Variants in PPP3CA observed in about 807,000 individuals in gnomAD.
PPP3CA encodes protein phosphatase 3 catalytic subunit alpha.
Under a neutral mutation model 66.5 loss-of-function variants are expected in PPP3CA, and 14 were observed. The ratio of observed to expected loss-of-function variants is 0.21; its 90% CI spans 0.14 to 0.33. The LOEUF (loss-of-function observed/expected upper bound fraction) is 0.33. PPP3CA is among the 10% of genes least tolerant of loss of function. The pLI is 1.00. For missense variants in PPP3CA, 317 were observed against 639.5 expected, an observed-to-expected ratio of 0.50 and a Z score of 5.44; for synonymous variants, 232 against 226.2, an observed-to-expected ratio of 1.03 and a Z score of -0.23.
intron 10 of PPP3CA, among the ~76,000 whole-genome samples, chr4:101,041,162 G>C (rs1336163712): frequency 2.0e-5 from 3 of 152,106 alleles, no homozygotes; most frequent in Non-Finnish European, 2.9e-5. Context: ...GTAGAGAACT[G>C]CTAAATTGGA....
At chr4:101,044,462 A>T (rs562359277) in intron 10 of PPP3CA, among the ~76,000 whole-genome samples, 1 of 152,364 alleles carries the variant, frequency 6.6e-6, no homozygotes, top group South Asian at 2.1e-4. Flanking sequence ...TAATGAAGAC[A>T]CATAAAATAC....
chr4:101,226,173 T>A (rs932083255), intron 1 of PPP3CA, among the ~76,000 whole-genome samples: 3 of 151,744 alleles, frequency 2.0e-5, no homozygotes, highest in Non-Finnish European at 4.4e-5. Flanking sequence ...AAGACCTAAA[T>A]CTGTGATATC....
intron 1 of PPP3CA, among the ~76,000 whole-genome samples, chr4:101,235,422 A>AAC: frequency 1.2e-5 from 1 of 82,922 alleles, no homozygotes; most frequent in Non-Finnish European, 2.6e-5. Flanking sequence ...TCAGAACCTA[A>AAC]ACATACACTC....
chr4:101,161,486 T>C (rs1323241838), intron 2 of PPP3CA, among the ~76,000 whole-genome samples: 2 of 152,136 alleles, frequency 1.3e-5, no homozygotes, highest in African/African-American at 4.8e-5. Flanking sequence ...AGTGTTGTTA[T>C]GGGAACATTT....
At chr4:101,090,824 TAATA>T (rs887914521) in intron 6 of PPP3CA, among the ~76,000 whole-genome samples, 4 of 150,690 alleles carry the variant, frequency 2.7e-5, no homozygotes, top group Admixed American at 6.6e-5. Flanking sequence ...TCTAATGCCG[TAATA>T]TATAGACATA....
intron 1 of PPP3CA, among the ~76,000 whole-genome samples, chr4:101,248,035 C>T (rs1039304401): frequency 6.6e-6 from 1 of 152,020 alleles, no homozygotes; most frequent in Non-Finnish European, 1.5e-5. Context: ...TAAATGGTAA[C>T]GGAAAGGAGC....
At chr4:101,227,239 T>C (rs1224155233) in intron 1 of PPP3CA, among the ~76,000 whole-genome samples, 1 of 151,808 alleles carries the variant, frequency 6.6e-6, no homozygotes, top group Non-Finnish European at 1.5e-5. Flanking sequence ...TCCTCATCAA[T>C]TTCCTAAGGA....
chr4:101,167,189 G>C (rs1433875272), intron 2 of PPP3CA, among the ~76,000 whole-genome samples: 1 of 152,150 alleles, frequency 6.6e-6, no homozygotes, highest in Non-Finnish European at 1.5e-5. Flanking sequence ...ATTATTAGGG[G>C]AGATAATCTT....
chr4:101,105,778 A>G (rs1730639721), intron 3 of PPP3CA, among the ~76,000 whole-genome samples: 1 of 152,136 alleles, frequency 6.6e-6, no homozygotes, highest in Non-Finnish European at 1.5e-5. Flanking sequence ...AAAGATAGGA[A>G]GTTGTGAAAA....
chr4:101,162,393 T>C (rs1723544453), intron 2 of PPP3CA, among the ~76,000 whole-genome samples: 1 of 151,576 alleles, frequency 6.6e-6, no homozygotes, highest in South Asian at 2.1e-4. Context: ...TAGCTGGGTG[T>C]GGTGGCGGGT....
At chr4:101,218,150 AAAG>A (rs1725511957) in intron 1 of PPP3CA, among the ~76,000 whole-genome samples, 1 of 152,112 alleles carries the variant, frequency 6.6e-6, no homozygotes, top group Non-Finnish European at 1.5e-5. Context: ...AGAAACTGTC[AAAG>A]AATGAGTGTG....
At chr4:101,077,562 G>A (rs1729247275) in intron 8 of PPP3CA, among the ~76,000 whole-genome samples, 2 of 152,106 alleles carry the variant, frequency 1.3e-5, no homozygotes, top group Non-Finnish European at 2.9e-5. Flanking sequence ...CCCACATACT[G>A]TATACACTGT....
intron 1 of PPP3CA, among the ~76,000 whole-genome samples, chr4:101,309,295 T>C (rs910820327): frequency 6.6e-6 from 1 of 152,178 alleles, no homozygotes; most frequent in Admixed American, 6.5e-5. Flanking sequence ...TCCTGTTGCT[T>C]CCAGTTACAA....
rs377701668 is a variant in PPP3CA at position 101,119,502 on chromosome 4, A to AAAAAAC, written c.260-10430_260-10425dup. ...GACATTTCACCAAATGGATTTTTTG[A>AAAAAAC]AAAAACAAAAACAAAAACAAAAACA... On this transcript the variant is annotated intron_variant, in intron 2 of 13. Coordinates refer to ENST00000394854, the MANE Select transcript of PPP3CA (RefSeq NM_000944.5). Among the ~76,000 whole-genome samples the AAAAAAC allele has an allele frequency of 2.6e-5, 4 of 152,020 alleles. No homozygotes were observed. The East Asian group carries it at 5.8e-4, about 22-fold the overall frequency.
chr4:101,164,936 T>C (rs1393277176), intron 2 of PPP3CA, among the ~76,000 whole-genome samples: 3 of 152,096 alleles, frequency 2.0e-5, no homozygotes, highest in Admixed American at 6.5e-5. Context: ...CATATATACA[T>C]ATATAATTTT....
At chr4:101,026,985 A>ATAT (rs1336833365) in intron 13 of PPP3CA, among the ~76,000 whole-genome samples, 1 of 152,244 alleles carries the variant, frequency 6.6e-6, no homozygotes, top group African/African-American at 2.4e-5. Context: ...AGTGGGAATG[A>ATAT]TATTTGATTT....
In PPP3CA at chr4:101,026,027, A is replaced by G. The variant is rs1170898203; in HGVS notation, c.1404T>C (p.Thr468=). Residue 468 remains threonine, a synonymous_variant, in exon 14 of 14, where the codon ACT becomes ACC. Coordinates refer to ENST00000394854, the MANE Select transcript of PPP3CA (RefSeq NM_000944.5). ...CTAAGCCCTTGGCTTCCTCGAAGCT[A>G]GTGATCTTATGTTGTGGTGAAAATC... ...IKGFSPQHKI[T]SFEEAKGLDR... The G allele has an allele frequency of 1.2e-6, 2 of 1,609,238 alleles. No homozygotes were observed. The highest frequency in any genetic ancestry group is 2.7e-5 in the African/African-American group (2 of 74,598).
intron 1 of PPP3CA, among the ~76,000 whole-genome samples, chr4:101,283,398 C>T (rs1424787546): frequency 6.6e-6 from 1 of 152,134 alleles, no homozygotes; most frequent in Non-Finnish European, 1.5e-5. Flanking sequence ...TTTCCTTCTA[C>T]ACAATGTTAT....
chr4:101,161,831 T>A (rs1473440382), intron 2 of PPP3CA, among the ~76,000 whole-genome samples: 2 of 152,144 alleles, frequency 1.3e-5, no homozygotes, highest in Non-Finnish European at 2.9e-5. Flanking sequence ...CATACCATAA[T>A]AGGAGTTGCC....
Sources: allele counts gnomAD v4.1 joint callset (sites outside exome capture counted in the v4.1 genomes callset), GRCh38; gene constraint gnomAD v4.1.1; transcripts MANE v1.5; gene names NCBI Gene and HGNC (gene_info 2026-07-23, HGNC 2026-07-21).